VTI1A: variants seen among roughly 807,000 people sequenced by gnomAD.
VTI1A encodes the protein vesicle transport through interaction with t-SNAREs homolog 1A.
VTI1A carries 22 observed loss-of-function variants against 34.9 expected under a neutral mutation model. The ratio of observed to expected loss-of-function variants is 0.63; its 90% CI spans 0.45 to 0.90. The LOEUF (loss-of-function observed/expected upper bound fraction) is 0.90, where lower values mean the gene tolerates loss of function less well. Among genes scored for constraint, VTI1A ranks in the 40% least tolerant of loss-of-function variants. VTI1A has a pLI of 0.00. For synonymous variants in VTI1A, 87 were observed against 97.3 expected (o/e 0.89, Z 0.62); for missense variants, 268 against 275.6 (o/e 0.97, Z 0.20).
At chr10:112,705,947 T>A (rs1470341567) in intron 7 of VTI1A, among the ~76,000 whole-genome samples, 9 of 152,178 alleles carry the variant, frequency 5.9e-5, no homozygotes, top group Admixed American at 5.9e-4. Context: ...AATTCTTTTG[T>A]CGTTGTTGTT....
At chr10:112,798,423 C>T (rs559757516) in intron 7 of VTI1A, among the ~76,000 whole-genome samples, 1 of 152,292 alleles carries the variant, frequency 6.6e-6, no homozygotes, top group East Asian at 1.9e-4. Context: ...ATATCACCCT[C>T]ATCTGTGAAA....
intron 7 of VTI1A, among the ~76,000 whole-genome samples, chr10:112,670,087 T>G (rs1847795598): frequency 6.6e-6 from 1 of 151,960 alleles, no homozygotes; most frequent in Admixed American, 6.6e-5. Flanking sequence ...ACTATGTAAA[T>G]GGCCTAAGAA....
intron 7 of VTI1A, among the ~76,000 whole-genome samples, chr10:112,812,967 G>A (rs899407183): frequency 2.0e-5 from 3 of 152,168 alleles, no homozygotes; most frequent in African/African-American, 4.8e-5. Context: ...ATTCTCCTTT[G>A]AATGGAAGAT....
At chr10:112,623,219 A>G (rs2134579262) in intron 5 of VTI1A, among the ~76,000 whole-genome samples, 1 of 152,284 alleles carries the variant, frequency 6.6e-6, no homozygotes, top group South Asian at 2.1e-4. Flanking sequence ...TTTTGGGGTA[A>G]CACTTTATCC....
In VTI1A at chr10:112,634,015, G is replaced by A. The variant is rs190397022; in HGVS notation, c.428-34203G>A. The stretch of plus-strand genomic sequence containing the variant: ...CAAACACCTTTTTCCCAGAGTAATA[G>A]AGCTTTCTTCCCTTTTGGTTGCAAG... On this transcript the variant is annotated intron_variant, in intron 5 of 7. Transcript: ENST00000393077. 5.9e-5 allele frequency among the ~76,000 whole-genome samples: 9 copies of A among 152,268 alleles called. No individual in the cohort carries two copies. In the East Asian group the frequency reaches 1.5e-3, roughly 26 times the overall value.
At chr10:112,811,663 G>C (rs1269708555) in intron 7 of VTI1A, among the ~76,000 whole-genome samples, 2 of 123,126 alleles carry the variant, frequency 1.6e-5, no homozygotes, top group South Asian at 2.6e-4. Flanking sequence ...CAGCCTGGGC[G>C]ACAGAGCGAG....
rs185630991 is a variant in VTI1A at position 112,792,014 on chromosome 10, G to A, written c.561-23276G>A. Among the ~76,000 whole-genome samples the A allele has an allele frequency of 3.4e-4, 52 of 152,236 alleles. No individual in the cohort carries two copies. In the East Asian group the frequency reaches 8.7e-3, roughly 25 times the overall value. The stretch of plus-strand genomic sequence containing the variant: ...GACTCGGCCAGGCACGATGGCTCAC[G>A]CCTGTAATCCCAGCACTTTGGAAGG... On this transcript the variant is annotated intron_variant, in intron 7 of 7. Transcript: ENST00000393077.
chr10:112,587,651 A>G (rs1304615762), intron 5 of VTI1A, among the ~76,000 whole-genome samples: 2 of 152,200 alleles, frequency 1.3e-5, no homozygotes, highest in Admixed American at 6.5e-5. Context: ...ATGTAATGAC[A>G]TTACCTATGC....
At chr10:112,492,168 C>T (rs894584220) in intron 3 of VTI1A, among the ~76,000 whole-genome samples, 1 of 152,218 alleles carries the variant, frequency 6.6e-6, no homozygotes, top group African/African-American at 2.4e-5. Context: ...CGTCTCCAAT[C>T]TCCCCTTTTC....
chr10:112,758,216 G>A (rs1851352430), intron 7 of VTI1A, among the ~76,000 whole-genome samples: 1 of 152,014 alleles, frequency 6.6e-6, no homozygotes, highest in African/African-American at 2.4e-5. Context: ...TCTTGCACAG[G>A]GTAGTAGAGT....
At chr10:112,523,597 G>A (rs1428013468) in intron 3 of VTI1A, among the ~76,000 whole-genome samples, 1 of 151,950 alleles carries the variant, frequency 6.6e-6, no homozygotes, top group Non-Finnish European at 1.5e-5. Flanking sequence ...GGTGGCGGGG[G>A]GAGGCAAGTA....
intron 5 of VTI1A, among the ~76,000 whole-genome samples, chr10:112,556,130 T>C (rs1009227219): frequency 2.0e-5 from 3 of 151,354 alleles, no homozygotes; most frequent in Non-Finnish European, 4.4e-5. Context: ...TCTGTGTAGA[T>C]TGAGGTTTCG....
chr10:112,571,448 T>C (rs7084160), intron 5 of VTI1A, among the ~76,000 whole-genome samples: 50,845 of 152,126 alleles, frequency 0.33, 10,286 homozygotes, highest in African/African-American at 0.58. Context: ...TGCCATCTCA[T>C]GCCAGTCAGG....
At chr10:112,486,681 C>CAGTTGTATATTCTTAAGAATATACCAA (rs1848645827) in intron 3 of VTI1A, among the ~76,000 whole-genome samples, 1 of 44,024 alleles carries the variant, frequency 2.3e-5, no homozygotes, top group Admixed American at 1.6e-4. Flanking sequence ...GAATATACAA[C>CAGTTGTATATTCTTAAGAATATACCAA]TTATATTTAG....
At position 112,482,541 on chromosome 10, in the gene VTI1A, T is replaced by C. The variant is rs537073936; in HGVS notation, c.264+17884T>C. Among the ~76,000 whole-genome samples, 20 of 152,302 alleles carry C rather than the reference T, an allele frequency of 1.3e-4. No individual in the cohort carries two copies. In the East Asian group the frequency reaches 3.5e-3, roughly 26 times the overall value. On this transcript the variant is annotated intron_variant, in intron 3 of 7. Transcript: ENST00000393077. ...GATGGCACTGTGGCTCACACTAATA[T>C]TTAAAATATACCATATTTTGGCATT...
At chr10:112,501,056 A>G (rs1849216055) in intron 3 of VTI1A, among the ~76,000 whole-genome samples, 2 of 152,282 alleles carry the variant, frequency 1.3e-5, no homozygotes, top group African/African-American at 4.8e-5. Flanking sequence ...ACTTACTGCA[A>G]TTATTTGTCT....
chr10:112,736,306 A>G (rs1850469144), intron 7 of VTI1A, among the ~76,000 whole-genome samples: 1 of 151,804 alleles, frequency 6.6e-6, no homozygotes. Context: ...TTACTTGATT[A>G]TTGTGATATA....
At chr10:112,642,887 A>G (rs1328611174) in intron 5 of VTI1A, among the ~76,000 whole-genome samples, 10 of 152,120 alleles carry the variant, frequency 6.6e-5, no homozygotes, top group African/African-American at 1.9e-4. Flanking sequence ...TGATCATGAA[A>G]AACTTTTGGA....
In VTI1A at chr10:112,765,949, TG is replaced by T. The variant is rs577429253; in HGVS notation, c.561-49340del. On this transcript the variant is annotated intron_variant, in intron 7 of 7. Transcript: ENST00000393077. ...TTGACAGGAGTCCAAGGCAGGTTGATGAAAAAGTGAGACATGAGCTGAGGTA... is the reference window on the plus strand; with the variant it reads ...TTGACAGGAGTCCAAGGCAGGTTGATAAAAAGTGAGACATGAGCTGAGGTA... Among the ~76,000 whole-genome samples the T allele has an allele frequency of 3.3e-3, 495 of 152,180 alleles. 2 individuals are homozygous for T. The highest frequency in any genetic ancestry group is 0.011 in the African/African-American group (458 of 41,510).
Sources: allele counts gnomAD v4.1 joint callset (sites outside exome capture counted in the v4.1 genomes callset), GRCh38; gene constraint gnomAD v4.1.1; transcripts MANE v1.5; gene names NCBI Gene and HGNC (gene_info 2026-07-23, HGNC 2026-07-21).